The following SV2C variants were observed in gnomAD, a reference collection of about 807,000 sequenced individuals.
SV2C encodes the protein synaptic vesicle glycoprotein 2C, also known as solute carrier family 22 member B3.
Under a neutral mutation model 79.7 loss-of-function variants are expected in SV2C, and 49 were observed. The observed-to-expected ratio is 0.61, with a 90% CI of 0.49 to 0.78. The LOEUF is 0.78. SV2C is among the 30% of genes least tolerant of loss of function. The probability of loss-of-function intolerance (pLI) is 0.00; values close to 1 mark genes in which losing one functional copy is unlikely to be tolerated. For synonymous variants in SV2C, 334 were observed against 333.2 expected, an observed-to-expected ratio of 1.00 and a Z score of -0.03; for missense variants, 833 against 912.9, an observed-to-expected ratio of 0.91 and a Z score of 1.13.
Position 76,330,013 on chromosome 5 carries a change from C to T in SV2C, c.*4466C>T, listed in dbSNP as rs1247639040. 4.0e-5 allele frequency: 6 copies of T among 149,806 alleles called. No homozygotes were observed. Among genetic ancestry groups the T allele is most frequent in the Admixed American group, 6.6e-5 (1 of 15,076 alleles). The allele number at this position is 149,806 out of a possible 1,614,324, so 9.3% of individuals were successfully genotyped here. On this transcript the variant is annotated 3_prime_UTR_variant, in exon 13 of 13. Transcript: ENST00000502798. ...GTTTCTCACAGTTTTTGTTTATGCTCAGCAAAGTATGTATTTTAAGTAAAG... is the reference window on the plus strand; with the variant it reads ...GTTTCTCACAGTTTTTGTTTATGCTTAGCAAAGTATGTATTTTAAGTAAAG...
intron 2 of SV2C, among the ~76,000 whole-genome samples, chr5:76,171,734 C>G (rs1743273026): frequency 7.1e-6 from 1 of 140,724 alleles, no homozygotes; most frequent in South Asian, 2.3e-4. Context: ...CCCGCCTGGC[C>G]AGCCGTGCCG....
the SV2C span, among the ~76,000 whole-genome samples, chr5:75,912,739 C>T: frequency 6.6e-6 from 1 of 152,082 alleles, no homozygotes; most frequent in African/African-American, 2.4e-5. Context: ...TCTTAGGTAA[C>T]AGCTCATGAA....
intron 4 of SV2C, among the ~76,000 whole-genome samples, chr5:76,228,761 A>C (rs1745327066): frequency 6.6e-6 from 1 of 151,490 alleles, no homozygotes; most frequent in South Asian, 2.1e-4. Context: ...ATATTCTTTA[A>C]TTTTTACAAC....
intron 1 of SV2C, among the ~76,000 whole-genome samples, chr5:76,122,828 C>G (rs141745667): frequency 0.038 from 5,764 of 151,700 alleles, 360 homozygotes; most frequent in African/African-American, 0.13. Flanking sequence ...AAAAGCAAGA[C>G]CAAACACATT....
At chr5:76,300,156 A>AATTATT (rs142593511) in intron 10 of SV2C, among the ~76,000 whole-genome samples, 6,608 of 139,582 alleles carry the variant, frequency 0.047, 259 homozygotes, top group Admixed American at 0.12. Flanking sequence ...TCAAATAAAA[A>AATTATT]ATTATTATTA....
chr5:76,034,460 G>C, the SV2C span, among the ~76,000 whole-genome samples: 24 of 152,194 alleles, frequency 1.6e-4, no homozygotes, highest in African/African-American at 4.6e-4. Context: ...TAGCATGAAG[G>C]GTTGTTGAAT....
At chr5:75,966,996 TTAA>T in the SV2C span, among the ~76,000 whole-genome samples, 192 of 152,280 alleles carry the variant, frequency 1.3e-3, 1 homozygote, top group Admixed American at 4.4e-3. Flanking sequence ...GAGCATTGCA[TTAA>T]TAAGGTATAT....
intron 4 of SV2C, among the ~76,000 whole-genome samples, chr5:76,251,383 A>G (rs1746113417): frequency 6.6e-6 from 1 of 151,944 alleles, no homozygotes; most frequent in Non-Finnish European, 1.5e-5. Flanking sequence ...TCTCTACAGA[A>G]AAAATAATAA....
At chr5:75,892,483 T>C in the SV2C span, among the ~76,000 whole-genome samples, 1 of 152,018 alleles carries the variant, frequency 6.6e-6, no homozygotes, top group Non-Finnish European at 1.5e-5. Flanking sequence ...GTTTGTTACA[T>C]GGGTATATTG....
the SV2C span, among the ~76,000 whole-genome samples, chr5:75,908,429 T>C: frequency 1.3e-5 from 2 of 152,216 alleles, 1 homozygote; most frequent in South Asian, 4.1e-4. Flanking sequence ...TATTCCATTA[T>C]AGAGATGTGC....
At chr5:76,154,160 C>A (rs537268205) in intron 2 of SV2C, among the ~76,000 whole-genome samples, 1 of 152,300 alleles carries the variant, frequency 6.6e-6, no homozygotes, top group Non-Finnish European at 1.5e-5. Flanking sequence ...CACTCATTGT[C>A]AACCTGCTAC....
the SV2C span, among the ~76,000 whole-genome samples, chr5:76,030,279 TTTTTTTTTTTTTTA>T: frequency 8.9e-6 from 1 of 112,374 alleles, no homozygotes; most frequent in African/African-American, 4.3e-5. Context: ...TTTTTTTTTT[TTTTTTTTTTTTTTA>T]TTTATTCCTG....
At chr5:76,007,721 T>TCAA in the SV2C span, among the ~76,000 whole-genome samples, 1 of 152,298 alleles carries the variant, frequency 6.6e-6, no homozygotes, top group Admixed American at 6.5e-5. Context: ...ATGACAGTGA[T>TCAA]CAACAGTCTC....
chr5:75,872,333 A>C, the SV2C span, among the ~76,000 whole-genome samples: 1 of 152,044 alleles, frequency 6.6e-6, no homozygotes, highest in Non-Finnish European at 1.5e-5. Flanking sequence ...TTCCCAAATT[A>C]ATTTATAACT....
intron 4 of SV2C, among the ~76,000 whole-genome samples, chr5:76,274,313 T>C (rs1192032785): frequency 6.6e-6 from 1 of 152,186 alleles, no homozygotes; most frequent in African/African-American, 2.4e-5. Flanking sequence ...ATCTTCAGAA[T>C]GGAGGACTAT....
chr5:76,084,746 T>C (rs1297729852), intron 1 of SV2C, among the ~76,000 whole-genome samples: 2 of 151,182 alleles, frequency 1.3e-5, no homozygotes, highest in South Asian at 2.1e-4. Context: ...GGAGCGCGCG[T>C]GTGTGCGTCA....
chr5:75,949,170 A>G, the SV2C span, among the ~76,000 whole-genome samples: 14 of 152,108 alleles, frequency 9.2e-5, no homozygotes, highest in Non-Finnish European at 1.8e-4. Context: ...TGCCATGAGT[A>G]AAAGCTCCAT....
At chr5:75,993,696 C>G in the SV2C span, among the ~76,000 whole-genome samples, 3 of 152,142 alleles carry the variant, frequency 2.0e-5, no homozygotes, top group East Asian at 5.8e-4. Context: ...TCCTTGTTCT[C>G]TTTCCTTCAG....
In SV2C at chr5:76,313,386, C is replaced by A. The variant is rs527237366; in HGVS notation, c.2000+11841C>A. 4.6e-5 allele frequency among the ~76,000 whole-genome samples: 7 copies of A among 152,150 alleles called. No individual in the cohort carries two copies. The East Asian group carries it at 1.4e-3, about 29-fold the overall frequency. ...ATATGTTTATGCTTTGGCTATCCAG[C>A]AAAAGTCAGATTCATTTTGTCTCTG... On this transcript the variant is annotated intron_variant, in intron 12 of 12. Coordinates refer to ENST00000502798, the MANE Select transcript of SV2C (RefSeq NM_014979.4).
Sources: allele counts gnomAD v4.1 joint callset (sites outside exome capture counted in the v4.1 genomes callset), GRCh38; gene constraint gnomAD v4.1.1; transcripts MANE v1.5; gene names NCBI Gene and HGNC (gene_info 2026-07-23, HGNC 2026-07-21).